The following GK5 variants were observed in gnomAD, a reference collection of about 807,000 sequenced individuals.
The protein encoded by GK5 is ATP:glycerol 3-phosphotransferase 5.
GK5 carries 39 observed loss-of-function variants against 77.3 expected under a neutral mutation model. The ratio of observed to expected loss-of-function variants is 0.50; its 90% CI spans 0.39 to 0.66. GK5 has a LOEUF of 0.66. GK5 is among the 30% of genes least tolerant of loss of function. The pLI is 0.00. For missense variants in GK5, 487 were observed against 633.8 expected (o/e 0.77, Z 2.49); for synonymous variants, 211 against 208.0 (o/e 1.01, Z -0.13).
At chr3:142,223,495 G>C (rs1313758764) in intron 1 of GK5, among the ~76,000 whole-genome samples, 2 of 152,208 alleles carry the variant, frequency 1.3e-5, no homozygotes, top group Non-Finnish European at 2.9e-5. Flanking sequence ...GCTAGCCAGA[G>C]AAGGGACCAG....
At chr3:142,213,626 CAT>C (rs747663839) in intron 2 of GK5, 25 bp from the exon 3 acceptor site, 26 of 1,457,718 alleles carry the variant, frequency 1.8e-5, no homozygotes, top group Middle Eastern at 1.7e-4. Flanking sequence ...GGATAAAACA[CAT>C]GTTTTAAAGC....
chr3:142,197,398 T>C (rs899558427), intron 5 of GK5, among the ~76,000 whole-genome samples: 11 of 152,340 alleles, frequency 7.2e-5, no homozygotes, highest in African/African-American at 2.6e-4. Flanking sequence ...TGTTTTTGTT[T>C]TAAAGTCTAT....
chr3:142,183,214 C>G (rs2063720879), intron 9 of GK5, 165 bp from the exon 10 acceptor site: 1 of 588,730 alleles, frequency 1.7e-6, no homozygotes, highest in African/African-American at 1.9e-5. Context: ...GAGCAACAAC[C>G]ATAGGATAGG....
chr3:142,184,837 C>T, intron 9 of GK5: 1 of 984,194 alleles, frequency 1.0e-6, no homozygotes, highest in Admixed American at 6.1e-5. Context: ...AGTGAAACTC[C>T]ATCTCAAAAA....
intron 3 of GK5, among the ~76,000 whole-genome samples, chr3:142,211,154 A>T (rs1285642238): frequency 6.6e-6 from 1 of 152,156 alleles, no homozygotes; most frequent in Admixed American, 6.5e-5. Context: ...GACGTTCAGC[A>T]ATGTTTTGAG....
At chr3:142,172,069 C>A (rs2063546619) in intron 13 of GK5, among the ~76,000 whole-genome samples, 1 of 151,856 alleles carries the variant, frequency 6.6e-6, no homozygotes, top group Non-Finnish European at 1.5e-5. Context: ...CTTTGAAAAT[C>A]CAAATTTTGA....
intron 11 of GK5, among the ~76,000 whole-genome samples, chr3:142,179,873 T>C (rs2063669526): frequency 6.6e-6 from 1 of 152,184 alleles, no homozygotes; most frequent in African/African-American, 2.4e-5. Flanking sequence ...CCTGTTTTTA[T>C]ATTTTCTCTG....
intron 1 of GK5, among the ~76,000 whole-genome samples, chr3:142,221,589 A>T (rs1428314900): frequency 6.6e-6 from 1 of 152,256 alleles, no homozygotes; most frequent in Non-Finnish European, 1.5e-5. Context: ...TACATAGAGT[A>T]CACAGTATTA....
At chr3:142,187,900 C>T (rs1263852984) in intron 5 of GK5, 121 bp from the exon 6 acceptor site, 11 of 670,276 alleles carry the variant, frequency 1.6e-5, no homozygotes, top group Middle Eastern at 3.0e-4. Flanking sequence ...TACACAAAAA[C>T]ATTTCTAGAA....
chr3:142,174,986 G>GAAGAAAGGACA (rs1340528383), intron 12 of GK5, among the ~76,000 whole-genome samples: 1 of 152,172 alleles, frequency 6.6e-6, no homozygotes, highest in African/African-American at 2.4e-5. Context: ...AGCTATGGAG[G>GAAGAAAGGACA]AAGAAAGGAC....
Position 142,182,963 on chromosome 3 carries a change from C to A in GK5, c.903G>T (p.Leu301Phe). The A allele has an allele frequency of 1.9e-6, 3 of 1,612,282 alleles. No individual in the cohort carries two copies. Among genetic ancestry groups the A allele is most frequent in the Non-Finnish European group, 2.5e-6 (3 of 1,178,520 alleles). ...GAAGGCTATTTCCAGTGTTAATATCCAAAAATGTCCCAGTTCCCATGGTTA... is the reference window on the plus strand; with the variant it reads ...GAAGGCTATTTCCAGTGTTAATATCAAAAAATGTCCCAGTTCCCATGGTTA... ...VKLTMGTGTFLDINTGNSLQQ... is the reference protein window; with the variant it reads ...VKLTMGTGTFFDINTGNSLQQ... The change falls in exon 10 of 16, where the codon TTG becomes TTT. Residue 301 changes from leucine (L) to phenylalanine (F), a missense_variant. This residue lies in a region of GK5 where 323 missense variants were observed against 437.4 expected (regional missense o/e 0.74). Transcript: ENST00000392993.
At chr3:142,193,715 T>C (rs903421535) in intron 5 of GK5, among the ~76,000 whole-genome samples, 1 of 152,174 alleles carries the variant, frequency 6.6e-6, no homozygotes, top group Non-Finnish European at 1.5e-5. Context: ...TTCTTTTTGA[T>C]GTTTTTGTAA....
intron 1 of GK5, among the ~76,000 whole-genome samples, chr3:142,218,614 A>T (rs1353958748): frequency 1.3e-5 from 2 of 151,966 alleles, no homozygotes; most frequent in Admixed American, 1.3e-4. Flanking sequence ...ATGGATCAAG[A>T]TCTAAATGTA....
At chr3:142,186,148 T>C in intron 8 of GK5, 46 bp downstream of exon 8, 1 of 1,287,148 alleles carries the variant, frequency 7.8e-7, no homozygotes. Flanking sequence ...ACAAAATGAA[T>C]TCAAGAACCA....
At chr3:142,169,669 C>CTTTTTTTTTTTTTTT (rs71304258) in intron 15 of GK5, among the ~76,000 whole-genome samples, 1 of 116,932 alleles carries the variant, frequency 8.6e-6, no homozygotes, top group African/African-American at 3.4e-5. Context: ...CCTTACTGTT[C>CTTTTTTTTTTTTTTT]TTTTTTTTTT....
Position 142,182,913 on chromosome 3 carries a change from AACT to A in GK5, c.943+7_943+9del. 1 of 1,589,390 alleles carries A rather than the reference AACT, an allele frequency of 6.3e-7. No homozygotes were observed. Among genetic ancestry groups the A allele is most frequent in the Non-Finnish European group, 8.6e-7 (1 of 1,158,128 alleles). The stretch of plus-strand genomic sequence containing the variant: ...TTTATTAATAAATAGGATAAATCCT[AACT>A]ACTTACCTCCAGTAGTCTGTTGAAG... On this transcript the variant is annotated splice_region_variant and intron_variant, in intron 10 of 15. Transcript: ENST00000392993.
At position 142,213,585 on chromosome 3, in the gene GK5, C is replaced by G; in HGVS notation, c.258G>C (p.Met86Ile). ...AAATGCCAAGACCAACAATTTGATT[C>G]ATCTGTATTCCTGCAGCTAAAAGTA... ...KEAVKAAGIQ[M>I]NQIVGLGIST... Residue 86 changes from methionine (M) to isoleucine (I), a missense_variant, in exon 3 of 16, where the codon ATG becomes ATC. Physicochemically the swap from Met to Ile is conservative, Grantham distance 10. Coordinates refer to ENST00000392993, the MANE Select transcript of GK5 (RefSeq NM_001039547.3). 6.2e-7 allele frequency: 1 copy of G among 1,610,644 alleles called. No individual in the cohort carries two copies. Among genetic ancestry groups the G allele is most frequent in the Non-Finnish European group, 8.5e-7 (1 of 1,176,924 alleles).
chr3:142,201,205 G>T (rs2064016270), intron 4 of GK5, among the ~76,000 whole-genome samples: 2 of 152,106 alleles, frequency 1.3e-5, no homozygotes, highest in South Asian at 4.1e-4. Context: ...ATTTGTAATA[G>T]CCAAAAACTG....
In GK5 at chr3:142,157,550, A is replaced by G. The variant is rs751628599; in HGVS notation, c.*8072T>C. ...AACACAATATAAAAATGGCTTTAAT[A>G]TACCAACGTACAGATTATTCAGTTC... On this transcript the variant is annotated 3_prime_UTR_variant, in exon 16 of 16. Transcript: ENST00000392993. 3.0e-4 allele frequency: 46 copies of G among 152,240 alleles called. No homozygotes were observed. The highest frequency in any genetic ancestry group is 4.4e-4 in the Non-Finnish European group (30 of 68,040). The allele number at this position is 152,240 out of a possible 1,614,324, so 9.4% of individuals were successfully genotyped here.
Sources: allele counts gnomAD v4.1 joint callset (sites outside exome capture counted in the v4.1 genomes callset), GRCh38; gene constraint gnomAD v4.1.1; regional missense constraint gnomAD v4.1.1; transcripts MANE v1.5; gene names NCBI Gene and HGNC (gene_info 2026-07-23, HGNC 2026-07-21).